RAD9B: variants seen among roughly 807,000 people sequenced by gnomAD.
RAD9B encodes the protein RAD9 checkpoint clamp component B.
RAD9B carries 41 observed loss-of-function variants against 48.3 expected under a neutral mutation model. That is an observed-to-expected ratio of 0.85 (90% CI 0.66 to 1.10). The LOEUF is 1.10. Among genes scored for constraint, RAD9B ranks in the 50% least tolerant of loss-of-function variants. The pLI is 0.00. For missense variants in RAD9B, 444 were observed against 485.1 expected, an observed-to-expected ratio of 0.92 and a Z score of 0.80; for synonymous variants, 160 against 157.9, an observed-to-expected ratio of 1.01 and a Z score of -0.10.
intron 10 of RAD9B, among the ~76,000 whole-genome samples, chr12:110,526,009 A>AT (rs1306409213): frequency 6.6e-6 from 1 of 151,300 alleles, no homozygotes; most frequent in Admixed American, 6.6e-5. Flanking sequence ...TAATTTTTGT[A>AT]TTTTTTTGGT....
rs34935245 is a variant in RAD9B at position 110,517,751 on chromosome 12, GACACACACACACAC to G, written c.596-899_596-886del. Among the ~76,000 whole-genome samples, 242 of 141,520 alleles carry G rather than the reference GACACACACACACAC, an allele frequency of 1.7e-3. 3 individuals carry two copies. The East Asian group carries it at 0.045, about 26-fold the overall frequency. 92.8% of individuals were successfully genotyped at this position (141,520 alleles called of 152,430 possible). ...TTTGTAGTGGAAAACACAAAACATT[GACACACACACACAC>G]ACACACACACACACACACACACACA... On this transcript the variant is annotated intron_variant, in intron 6 of 10. Coordinates refer to ENST00000409300, the MANE Select transcript of RAD9B (RefSeq NM_001286535.2).
intron 9 of RAD9B, among the ~76,000 whole-genome samples, chr12:110,521,815 C>G (rs1003452081): frequency 6.6e-6 from 1 of 152,100 alleles, no homozygotes; most frequent in African/African-American, 2.4e-5. Context: ...CTTGACCTCC[C>G]AAAGTGTTGG....
At chr12:110,520,249 C>T (rs1242957000) in intron 9 of RAD9B, among the ~76,000 whole-genome samples, 1 of 152,150 alleles carries the variant, frequency 6.6e-6, no homozygotes, top group Non-Finnish European at 1.5e-5. Context: ...CTCCCATTGC[C>T]CAGGCTTGAG....
chr12:110,522,347 G>A lies in RAD9B; in HGVS notation c.1061G>A (p.Ser354Asn). 1.2e-6 allele frequency: 2 copies of A among 1,613,650 alleles called. No individual in the cohort carries two copies. Among genetic ancestry groups the A allele is most frequent in the South Asian group, 1.1e-5 (1 of 90,914 alleles). Residue 354 changes from serine to asparagine, a missense_variant, in exon 10 of 11, where the codon AGT becomes AAT. Physicochemically the swap from Ser to Asn is conservative, Grantham distance 46 (BLOSUM62 1). Coordinates refer to ENST00000409300, the MANE Select transcript of RAD9B (RefSeq NM_001286535.2). ...ATGAAAAGAGTGGATGGAGATGTCA[G>A]TGAAGTATCAGAAAGCAGTGTCAGC... ...PAMKRVDGDV[S>N]EVSESSVSNT...
chr12:110,531,919 T>C lies in RAD9B; in HGVS notation c.*1266T>C. The C allele has an allele frequency of 2.7e-6, 1 of 366,742 alleles. No homozygotes were observed. Among genetic ancestry groups the C allele is most frequent in the Non-Finnish European group, 4.9e-6 (1 of 203,896 alleles). The allele number at this position is 366,742 out of a possible 1,614,324, so 22.7% of individuals were successfully genotyped here. ...TAAGGAAGTGTTAACTGGCAAGCAG[T>C]TGTACTTTAGACTTTGTGAGAAATT... On this transcript the variant is annotated 3_prime_UTR_variant, in exon 11 of 11. Transcript: ENST00000409300.
chr12:110,523,171 C>T (rs2063835146), intron 10 of RAD9B, among the ~76,000 whole-genome samples: 1 of 152,118 alleles, frequency 6.6e-6, no homozygotes, highest in Non-Finnish European at 1.5e-5. Context: ...TGCAGTGACT[C>T]ACGCCTGTAA....
chr12:110,512,753 TAA>T (rs770820770), intron 4 of RAD9B, 24 bp from the exon 5 acceptor site: 1 of 918,534 alleles, frequency 1.1e-6, no homozygotes, highest in South Asian at 1.5e-5. Context: ...TTAAAATTAT[TAA>T]GAGGTGGCTT....
At chr12:110,529,891 GATTA>G (rs1473481077) in intron 10 of RAD9B, among the ~76,000 whole-genome samples, 2 of 152,176 alleles carry the variant, frequency 1.3e-5, no homozygotes, top group East Asian at 1.9e-4. Context: ...GAAGAAGATG[GATTA>G]ATTAATCCAG....
intron 3 of RAD9B, among the ~76,000 whole-genome samples, chr12:110,506,337 C>T (rs1201814701): frequency 2.0e-5 from 3 of 151,858 alleles, no homozygotes; most frequent in Admixed American, 6.6e-5. Context: ...TACAGGCGCC[C>T]GCCACTACGC....
chr12:110,523,398 G>T (rs988112332), intron 10 of RAD9B, among the ~76,000 whole-genome samples: 1 of 152,152 alleles, frequency 6.6e-6, no homozygotes, highest in Non-Finnish European at 1.5e-5. Context: ...CTGCACTCCA[G>T]CCTGGGCAAC....
chr12:110,525,078 C>T (rs551698906), intron 10 of RAD9B, among the ~76,000 whole-genome samples: 7 of 152,176 alleles, frequency 4.6e-5, no homozygotes, highest in South Asian at 2.1e-4. Flanking sequence ...CTCCACCTCC[C>T]GGGTTCAAGT....
In RAD9B at chr12:110,532,855, T is replaced by C. The variant is rs189077169; in HGVS notation, c.*2202T>C. ...CAACAGGCTATTCATATAGCCCAGA[T>C]GTGTAGTAGGCTAGACCATCTAGGC... On this transcript the variant is annotated 3_prime_UTR_variant, in exon 11 of 11. Transcript: ENST00000409300. 6.6e-6 allele frequency among the ~76,000 whole-genome samples: 1 copy of C among 152,352 alleles called. No homozygotes were observed. The highest frequency in any genetic ancestry group is 1.5e-5 in the Non-Finnish European group (1 of 68,036).
chr12:110,516,533 CG>C (rs1035746430), intron 6 of RAD9B, among the ~76,000 whole-genome samples: 54 of 152,068 alleles, frequency 3.6e-4, no homozygotes, highest in African/African-American at 1.2e-3. Context: ...ATCATTTGGC[CG>C]GGTGCGGTGG....
chr12:110,522,489 C>G (rs2063816976), intron 10 of RAD9B, 78 bp downstream of exon 10: 1 of 958,428 alleles, frequency 1.0e-6, no homozygotes, highest in South Asian at 1.6e-5. Flanking sequence ...TCCCCAATCC[C>G]CACCCAGCCA....
chr12:110,507,647 A>G (rs1232215507), intron 4 of RAD9B, among the ~76,000 whole-genome samples: 1 of 147,530 alleles, frequency 6.8e-6, no homozygotes, highest in Non-Finnish European at 1.5e-5. Flanking sequence ...TATAACATAT[A>G]TACATATATA....
intron 4 of RAD9B, among the ~76,000 whole-genome samples, chr12:110,507,298 C>T (rs889575101): frequency 4.1e-5 from 6 of 147,004 alleles, no homozygotes; most frequent in African/African-American, 1.3e-4. Flanking sequence ...TGAATTCAAG[C>T]AATTGGTTGT....
chr12:110,504,321 T>A (rs917324133), intron 2 of RAD9B, among the ~76,000 whole-genome samples: 1 of 151,540 alleles, frequency 6.6e-6, no homozygotes, highest in Non-Finnish European at 1.5e-5. Flanking sequence ...ATATAAAAAT[T>A]AGCCTGGCAT....
At position 110,531,588 on chromosome 12, in the gene RAD9B, G is replaced by T. The variant is rs762718499; in HGVS notation, c.*935G>T. 5.6e-6 allele frequency: 9 copies of T among 1,603,086 alleles called. No homozygotes were observed. In the African/African-American group the frequency reaches 9.7e-5, roughly 17 times the overall value. The stretch of plus-strand genomic sequence containing the variant: ...TTATTTTGCAGTGTGCTGCAGGAAA[G>T]AATTTAATGGAAGTGATGCCAAATA... On this transcript the variant is annotated 3_prime_UTR_variant, in exon 11 of 11. Transcript: ENST00000409300.
At chr12:110,516,216 G>C (rs57299791) in intron 6 of RAD9B, among the ~76,000 whole-genome samples, 1 of 151,332 alleles carries the variant, frequency 6.6e-6, no homozygotes, top group Non-Finnish European at 1.5e-5. Flanking sequence ...AAGACAGCAA[G>C]ATCTTGTCTC....
Sources: gnomAD v4.1 joint callset for allele counts (sites outside exome capture counted in the v4.1 genomes callset) on GRCh38, gnomAD v4.1.1 for gene constraint, MANE v1.5 for transcripts, NCBI Gene and HGNC (gene_info 2026-07-23, HGNC 2026-07-21) for gene names.